MOB3B: variants seen among roughly 807,000 people sequenced by gnomAD.
MOB3B encodes MOB kinase activator-like 2B.
A neutral mutation model predicts 18.7 loss-of-function variants in MOB3B; 7 were observed. The ratio of observed to expected loss-of-function variants is 0.37; its 90% CI spans 0.21 to 0.70. MOB3B has a LOEUF of 0.70. MOB3B is among the 30% of genes least tolerant of loss of function. The pLI is 0.52. For synonymous variants in MOB3B, 111 were observed against 99.9 expected (o/e 1.11, Z -0.66); for missense variants, 253 against 281.3 (o/e 0.90, Z 0.72).
At chr9:27,438,490 G>A (rs377271578) in intron 2 of MOB3B, among the ~76,000 whole-genome samples, 2 of 152,344 alleles carry the variant, frequency 1.3e-5, no homozygotes, top group East Asian at 3.9e-4. Context: ...GATGGGCAAA[G>A]TGCTGGGGCA....
At chr9:27,422,990 A>C (rs1276397414) in intron 2 of MOB3B, among the ~76,000 whole-genome samples, 1 of 152,236 alleles carries the variant, frequency 6.6e-6, no homozygotes, top group East Asian at 1.9e-4. Context: ...GAATTATCCC[A>C]ATAATAATGA....
chr9:27,377,829 T>TAAC (rs1220915537), intron 2 of MOB3B, among the ~76,000 whole-genome samples: 6 of 152,192 alleles, frequency 3.9e-5, no homozygotes, highest in Non-Finnish European at 8.8e-5. Context: ...TGCCCCAGAG[T>TAAC]AACACTGGCC....
At chr9:27,376,355 T>A (rs1371275004) in intron 2 of MOB3B, among the ~76,000 whole-genome samples, 2 of 152,264 alleles carry the variant, frequency 1.3e-5, no homozygotes, top group South Asian at 4.1e-4. Flanking sequence ...CTTTGCATTA[T>A]ACTCCACAAT....
At chr9:27,420,766 G>T (rs773992850) in intron 2 of MOB3B, among the ~76,000 whole-genome samples, 2 of 151,028 alleles carry the variant, frequency 1.3e-5, no homozygotes, top group African/African-American at 2.4e-5. Context: ...GCATAAGAAT[G>T]ATACAACGGA....
intron 2 of MOB3B, among the ~76,000 whole-genome samples, chr9:27,393,146 T>C (rs1681539397): frequency 6.6e-6 from 1 of 152,216 alleles, no homozygotes; most frequent in African/African-American, 2.4e-5. Flanking sequence ...GTTCTACACC[T>C]TGTTTGTCAC....
At chr9:27,430,349 A>G (rs1822399507) in intron 2 of MOB3B, among the ~76,000 whole-genome samples, 1 of 152,124 alleles carries the variant, frequency 6.6e-6, no homozygotes, top group Admixed American at 6.5e-5. Flanking sequence ...AAAGGCAATC[A>G]TAAGTGGCAA....
intron 2 of MOB3B, among the ~76,000 whole-genome samples, chr9:27,409,369 T>A (rs1003378992): frequency 6.6e-6 from 1 of 152,188 alleles, no homozygotes; most frequent in East Asian, 1.9e-4. Flanking sequence ...TGTTTGATCA[T>A]AACCATGATG....
intron 1 of MOB3B, among the ~76,000 whole-genome samples, chr9:27,481,767 T>C (rs1324305896): frequency 6.6e-6 from 1 of 152,006 alleles, no homozygotes; most frequent in Non-Finnish European, 1.5e-5. Flanking sequence ...CCTCATGATC[T>C]GCCCGCCTCG....
intron 2 of MOB3B, among the ~76,000 whole-genome samples, chr9:27,430,603 A>C (rs561419969): frequency 6.6e-6 from 1 of 152,338 alleles, no homozygotes; most frequent in Admixed American, 6.5e-5. Context: ...GTGTGTCTGC[A>C]TCAATAACAT....
chr9:27,516,530 A>G (rs1391072589), intron 1 of MOB3B, among the ~76,000 whole-genome samples: 1 of 152,250 alleles, frequency 6.6e-6, no homozygotes, highest in Non-Finnish European at 1.5e-5. Context: ...AATAGAGCTT[A>G]ACTGAGAATA....
intron 1 of MOB3B, among the ~76,000 whole-genome samples, chr9:27,503,477 G>A (rs890471668): frequency 1.3e-5 from 2 of 152,246 alleles, no homozygotes; most frequent in Non-Finnish European, 2.9e-5. Context: ...CTTTGGGAAG[G>A]AGAGGTGGCC....
At chr9:27,490,105 G>C (rs1468503242) in intron 1 of MOB3B, among the ~76,000 whole-genome samples, 1 of 152,036 alleles carries the variant, frequency 6.6e-6, no homozygotes, top group Non-Finnish European at 1.5e-5. Flanking sequence ...ACCTGGCTGG[G>C]CCTCTTGTTC....
intron 2 of MOB3B, among the ~76,000 whole-genome samples, chr9:27,411,665 A>G (rs1256268410): frequency 6.6e-6 from 1 of 152,204 alleles, no homozygotes; most frequent in Non-Finnish European, 1.5e-5. Flanking sequence ...AGAAAGAAAT[A>G]AATAAACATA....
chr9:27,349,503 C>A (rs1015008122), intron 3 of MOB3B, among the ~76,000 whole-genome samples: 9 of 152,182 alleles, frequency 5.9e-5, no homozygotes, highest in African/African-American at 2.2e-4. Flanking sequence ...CCACACATAG[C>A]AGCCAAAATT....
At chr9:27,525,921 T>C (rs1260188916) in intron 1 of MOB3B, 1 of 152,244 alleles carries the variant, frequency 6.6e-6, no homozygotes, top group Non-Finnish European at 1.5e-5. Context: ...TTTACTTTTC[T>C]AGCACGGCCC....
intron 2 of MOB3B, among the ~76,000 whole-genome samples, chr9:27,406,246 A>G (rs1251773146): frequency 6.6e-6 from 1 of 152,264 alleles, no homozygotes; most frequent in Non-Finnish European, 1.5e-5. Context: ...CAAAATCAAC[A>G]TAGAAAAATC....
intron 2 of MOB3B, among the ~76,000 whole-genome samples, chr9:27,423,461 T>C (rs1309507261): frequency 6.6e-6 from 1 of 151,894 alleles, no homozygotes; most frequent in Non-Finnish European, 1.5e-5. Flanking sequence ...CAAGCAACTG[T>C]TGGTATGATG....
Position 27,468,203 on chromosome 9 carries a change from G to A in MOB3B, c.-198-12455C>T, listed in dbSNP as rs561521804. Among the ~76,000 whole-genome samples the A allele has an allele frequency of 3.3e-5, 5 of 152,326 alleles. No homozygotes were observed. The South Asian group carries it at 1.0e-3, about 32-fold the overall frequency. On this transcript the variant is annotated intron_variant, in intron 1 of 3. Coordinates refer to ENST00000262244, the MANE Select transcript of MOB3B (RefSeq NM_024761.5). The stretch of plus-strand genomic sequence containing the variant: ...CTAGTCATAGGGTGCATTTGTACCA[G>A]TTACTGCTCAGTGGCAGACACACAG...
chr9:27,455,744 C>A lies in MOB3B; in HGVS notation c.-194G>T. 1 of 1,438,896 alleles carries A rather than the reference C, an allele frequency of 6.9e-7. No individual in the cohort carries two copies. Among genetic ancestry groups the A allele is most frequent in the Non-Finnish European group, 9.1e-7 (1 of 1,103,442 alleles). The allele number at this position is 1,438,896 out of a possible 1,614,324, so 89.1% of individuals were successfully genotyped here. On this transcript the variant is annotated 5_prime_UTR_variant, in exon 2 of 4. Transcript: ENST00000262244. ...ATGATTTCCAAGGGAACCTCATGTT[C>A]TTTCCTAAAGGTAGAAGAGAAAAGG...
Sources: gnomAD v4.1 joint callset for allele counts (sites outside exome capture counted in the v4.1 genomes callset) on GRCh38, gnomAD v4.1.1 for gene constraint, MANE v1.5 for transcripts, NCBI Gene and HGNC (gene_info 2026-07-23, HGNC 2026-07-21) for gene names.